ATG10: variants seen among roughly 807,000 people sequenced by gnomAD.
ATG10 encodes autophagy related 10.
A neutral mutation model predicts 32.1 loss-of-function variants in ATG10; 30 were observed. The ratio of observed to expected loss-of-function variants is 0.94; its 90% confidence interval spans 0.70 to 1.27. The LOEUF (loss-of-function observed/expected upper bound fraction) is 1.27, where lower values mean the gene tolerates loss of function less well. ATG10 is among the 50% of genes most tolerant of loss of function. ATG10 has a pLI of 0.00. For synonymous variants in ATG10, 87 were observed against 91.5 expected (o/e 0.95, Z 0.28); for missense variants, 233 against 262.3 (o/e 0.89, Z 0.77).
At chr5:81,999,443 A>G (rs1415275261) in intron 2 of ATG10, among the ~76,000 whole-genome samples, 1 of 152,134 alleles carries the variant, frequency 6.6e-6, no homozygotes, top group Admixed American at 6.6e-5. Flanking sequence ...AAGATCTCAA[A>G]TAAACAACCT....
At chr5:82,102,533 T>A (rs1362428159) in intron 3 of ATG10, among the ~76,000 whole-genome samples, 1 of 152,132 alleles carries the variant, frequency 6.6e-6, no homozygotes, top group African/African-American at 2.4e-5. Context: ...GTTTGCCAAA[T>A]TAGAAAAATG....
Position 82,125,764 on chromosome 5 carries a change from T to C in ATG10, c.217-38635T>C, listed in dbSNP as rs894666114. ...ATTGTCTTGGCTATGAGGGCTCTTTTTTTGCTTCCATATGAAATTTAAAGT... is the reference window on the plus strand; with the variant it reads ...ATTGTCTTGGCTATGAGGGCTCTTTCTTTGCTTCCATATGAAATTTAAAGT... On this transcript the variant is annotated intron_variant, in intron 3 of 7. Coordinates refer to ENST00000282185, the MANE Select transcript of ATG10 (RefSeq NM_031482.5). Among the ~76,000 whole-genome samples the C allele has an allele frequency of 1.2e-4, 18 of 152,082 alleles. 1 individual carries two copies. In the South Asian group the frequency reaches 3.1e-3, roughly 26 times the overall value.
intron 3 of ATG10, among the ~76,000 whole-genome samples, chr5:82,140,672 A>C (rs1581734763): frequency 2.4e-5 from 1 of 42,240 alleles, no homozygotes; most frequent in Non-Finnish European, 5.0e-5. Flanking sequence ...GGCCGCCCCT[A>C]CTGGGAAGTG....
At chr5:82,187,678 C>T (rs991624499) in intron 5 of ATG10, among the ~76,000 whole-genome samples, 5 of 151,376 alleles carry the variant, frequency 3.3e-5, no homozygotes, top group East Asian at 2.0e-4. Flanking sequence ...CTCTGCTTCC[C>T]GGGGGTTCAA....
chr5:82,067,047 T>C (rs1763963292), intron 3 of ATG10, among the ~76,000 whole-genome samples: 1 of 152,194 alleles, frequency 6.6e-6, no homozygotes, highest in Non-Finnish European at 1.5e-5. Context: ...GTAGTCAGTA[T>C]TTATTTATTG....
In ATG10 at chr5:81,987,635, A is replaced by G. The variant is rs1561240920; in HGVS notation, c.65A>G (p.His22Arg). ...FQRYCAEFIK[H>R]SQQIGDSWEW... The stretch of plus-strand genomic sequence containing the variant: ...CGTTATTGTGCAGAATTCATTAAAC[A>G]TTCACAACAGATAGGTGATAGTTGG... Residue 22 changes from histidine (H) to arginine (R), a missense_variant, in exon 2 of 8, where the codon CAT becomes CGT. Coordinates refer to ENST00000282185, the MANE Select transcript of ATG10 (RefSeq NM_031482.5). 3 of 1,613,036 alleles carry G rather than the reference A, an allele frequency of 1.9e-6. No individual in the cohort carries two copies. Among genetic ancestry groups the G allele is most frequent in the Non-Finnish European group, 2.5e-6 (3 of 1,179,694 alleles).
chr5:81,972,527 C>T (rs1259144349), intron 1 of ATG10: 1 of 152,246 alleles, frequency 6.6e-6, no homozygotes, highest in African/African-American at 2.4e-5. Context: ...TCCTCGGGGA[C>T]CCGGTCCCCG....
intron 3 of ATG10, among the ~76,000 whole-genome samples, chr5:82,083,118 G>A (rs555704453): frequency 1.3e-5 from 2 of 152,314 alleles, no homozygotes; most frequent in South Asian, 4.2e-4. Context: ...TGGAAAAATG[G>A]GAGACTCCAA....
chr5:82,167,972 C>T (rs1036650015), intron 4 of ATG10, among the ~76,000 whole-genome samples: 2 of 152,144 alleles, frequency 1.3e-5, no homozygotes, highest in African/African-American at 2.4e-5. Context: ...CATAATTGCA[C>T]GTCTGTTGAG....
chr5:81,997,743 T>C (rs1430266077), intron 2 of ATG10, among the ~76,000 whole-genome samples: 1 of 152,138 alleles, frequency 6.6e-6, no homozygotes, highest in Non-Finnish European at 1.5e-5. Context: ...CAGAATACAA[T>C]TGTAAGTATT....
chr5:82,114,606 G>A (rs1327251188), intron 3 of ATG10, among the ~76,000 whole-genome samples: 1 of 152,004 alleles, frequency 6.6e-6, no homozygotes, highest in African/African-American at 2.4e-5. Flanking sequence ...ACTTTGGAAG[G>A]ATAGCCCACC....
At chr5:82,090,271 G>A (rs567762454) in intron 3 of ATG10, among the ~76,000 whole-genome samples, 4 of 151,954 alleles carry the variant, frequency 2.6e-5, no homozygotes, top group East Asian at 1.9e-4. Context: ...ATCTATCCCC[G>A]AGAAATTAAA....
At chr5:82,251,003 C>G (rs1194611169) in intron 5 of ATG10, among the ~76,000 whole-genome samples, 6 of 152,154 alleles carry the variant, frequency 3.9e-5, no homozygotes, top group Non-Finnish European at 8.8e-5. Context: ...GAAGCTGATG[C>G]CTTGCTGGAA....
At chr5:82,215,910 G>C (rs1285603667) in intron 5 of ATG10, among the ~76,000 whole-genome samples, 2 of 151,224 alleles carry the variant, frequency 1.3e-5, no homozygotes, top group Non-Finnish European at 2.9e-5. Flanking sequence ...ACTCCAGCCT[G>C]GGCAACAAGA....
intron 5 of ATG10, among the ~76,000 whole-genome samples, chr5:82,251,587 C>T (rs556119781): frequency 2.6e-5 from 4 of 152,304 alleles, no homozygotes; most frequent in South Asian, 4.1e-4. Flanking sequence ...CAGTTTCTCA[C>T]GGGCCCCGTC....
At chr5:82,119,881 A>T (rs1765975553) in intron 3 of ATG10, among the ~76,000 whole-genome samples, 1 of 152,224 alleles carries the variant, frequency 6.6e-6, no homozygotes, top group Non-Finnish European at 1.5e-5. Context: ...ACATTCAAAC[A>T]GCAAGAAAGA....
intron 3 of ATG10, among the ~76,000 whole-genome samples, chr5:82,148,326 C>A (rs1767449595): frequency 6.6e-6 from 1 of 152,178 alleles, no homozygotes; most frequent in African/African-American, 2.4e-5. Context: ...TGCCCACAGG[C>A]ACAATAACAT....
Position 82,169,535 on chromosome 5 carries a change from T to C in ATG10, c.355+4998T>C, listed in dbSNP as rs1261259176. Among the ~76,000 whole-genome samples, 9 of 149,268 alleles carry C rather than the reference T, an allele frequency of 6.0e-5. No individual in the cohort carries two copies. The Admixed American group carries it at 6.0e-4, about 10-fold the overall frequency. On this transcript the variant is annotated intron_variant, in intron 4 of 7. Coordinates refer to ENST00000282185, the MANE Select transcript of ATG10 (RefSeq NM_031482.5). ...GTGGATTAGAGAAGTATTTTAAGAC[T>C]GGGGCAAAAACGACTCTAGTTAATT... is the stretch of plus-strand genomic sequence containing the variant.
At chr5:82,089,102 A>G (rs181239137) in intron 3 of ATG10, among the ~76,000 whole-genome samples, 243 of 152,294 alleles carry the variant, frequency 1.6e-3, no homozygotes, top group Non-Finnish European at 1.9e-3. Context: ...CTGTAATCCC[A>G]GCACTTTGGG....
Sources: allele counts gnomAD v4.1 joint callset (sites outside exome capture counted in the v4.1 genomes callset), GRCh38; gene constraint gnomAD v4.1.1; transcripts MANE v1.5; gene names NCBI Gene and HGNC (gene_info 2026-07-23, HGNC 2026-07-21).